Variants in TAFA3 observed in about 807,000 individuals in gnomAD.
The protein encoded by TAFA3 is TAFA chemokine like family member 3.
TAFA3 carries 17 observed loss-of-function variants against 20.7 expected under a neutral mutation model. The observed-to-expected ratio is 0.82, with a 90% CI of 0.56 to 1.23. The LOEUF (loss-of-function observed/expected upper bound fraction) is 1.23. Among genes scored for constraint, TAFA3 ranks in the 50% most tolerant of loss-of-function variants. The pLI, the probability that TAFA3 is intolerant of heterozygous loss-of-function variation, is 0.00. For synonymous variants in TAFA3, 74 were observed against 71.8 expected, an observed-to-expected ratio of 1.03 and a Z score of -0.16; for missense variants, 174 against 172.8, an observed-to-expected ratio of 1.01 and a Z score of -0.04.
chr1:112,724,231 G>A, intron 5 of TAFA3, 94 bp downstream of exon 5: 1 of 1,125,852 alleles, frequency 8.9e-7, no homozygotes, highest in Non-Finnish European at 1.2e-6. Context: ...TAGGATGTCA[G>A]TGTCCCAAGG....
chr1:112,723,533 A>G (rs1675384038), intron 4 of TAFA3, among the ~76,000 whole-genome samples: 2 of 151,608 alleles, frequency 1.3e-5, no homozygotes. Flanking sequence ...CTTCTCTCAC[A>G]CTTTCCTATG....
In TAFA3 at chr1:112,724,095, G is replaced by A. The variant is rs568584056; in HGVS notation, c.348G>A (p.Ser116=). The change falls in exon 5 of 6, where the codon TCG becomes TCA. Residue 116 remains serine (S), a synonymous_variant. Coordinates refer to ENST00000361886, the MANE Select transcript of TAFA3 (RefSeq NM_182759.3). ...GEECKVLPDL[S]GWSCSSGHKV... ...AGTGTAAGGTGCTCCCGGACCTGTC[G>A]GGATGGAGCTGCAGCAGTGGACACA... The A allele has an allele frequency of 1.8e-5, 29 of 1,613,000 alleles. No individual in the cohort carries two copies. The South Asian group carries it at 2.6e-4, about 15-fold the overall frequency.
At chr1:112,722,051 T>G (rs564239702) in intron 2 of TAFA3, among the ~76,000 whole-genome samples, 182 bp from the exon 3 acceptor site, 2 of 152,124 alleles carry the variant, frequency 1.3e-5, no homozygotes, top group Non-Finnish European at 2.9e-5. Flanking sequence ...AGGCTCTCCT[T>G]TTCTTCCTGC....
intron 4 of TAFA3, 154 bp from the exon 5 acceptor site, chr1:112,723,859 C>T (rs1675391750): frequency 6.6e-7 from 1 of 1,511,050 alleles, no homozygotes; most frequent in Non-Finnish European, 9.1e-7. Flanking sequence ...AGTACTGCCT[C>T]TCTGGGCAGC....
chr1:112,722,966 G>C, intron 3 of TAFA3, 50 bp from the exon 4 acceptor site: 2 of 1,558,190 alleles, frequency 1.3e-6, no homozygotes, highest in Non-Finnish European at 1.7e-6. Context: ...TGGGCGGGAG[G>C]GAGCGGGGTC....
intron 3 of TAFA3, 71 bp downstream of exon 3, chr1:112,722,419 C>G (rs1675352446): frequency 7.6e-7 from 1 of 1,316,652 alleles, no homozygotes; most frequent in African/African-American, 1.4e-5. Flanking sequence ...ACCACTCCAC[C>G]GTGTTCCATA....
chr1:112,726,108 G>A (rs143690864), intron 5 of TAFA3, among the ~76,000 whole-genome samples: 1 of 152,244 alleles, frequency 6.6e-6, no homozygotes, highest in African/African-American at 2.4e-5. Context: ...CTGCACTCCA[G>A]TCTGGGCGAC....
intron 3 of TAFA3, among the ~76,000 whole-genome samples, 155 bp downstream of exon 3, chr1:112,722,503 G>A (rs544442560): frequency 6.6e-6 from 1 of 152,210 alleles, no homozygotes; most frequent in East Asian, 1.9e-4. Context: ...TCTTTACCCA[G>A]GAATCTCTGC....
intron 1 of TAFA3, among the ~76,000 whole-genome samples, chr1:112,719,790 G>C (rs1458140978): frequency 6.6e-6 from 1 of 152,144 alleles, no homozygotes; most frequent in Admixed American, 6.5e-5. Flanking sequence ...TCAGGAAAGA[G>C]GCACATCTAG....
intron 5 of TAFA3, 62 bp from the exon 6 acceptor site, chr1:112,726,567 T>G: frequency 6.3e-7 from 1 of 1,576,206 alleles, no homozygotes; most frequent in Non-Finnish European, 8.7e-7. Context: ...GGGTAGTCTC[T>G]GGCATGCTGG....
At chr1:112,722,522 G>A (rs1675354516) in intron 3 of TAFA3, among the ~76,000 whole-genome samples, 174 bp downstream of exon 3, 2 of 152,112 alleles carry the variant, frequency 1.3e-5, no homozygotes, top group African/African-American at 4.8e-5. Context: ...GCCCACCCCA[G>A]CTGTCCCGCC....
intron 1 of TAFA3, chr1:112,720,356 C>T (rs1675299132): frequency 6.6e-6 from 1 of 152,398 alleles, no homozygotes; most frequent in South Asian, 2.1e-4. Flanking sequence ...TTCTCAGGCT[C>T]ACCACCCTGT....
chr1:112,724,361 T>C (rs1054795636), intron 5 of TAFA3, among the ~76,000 whole-genome samples: 16 of 151,938 alleles, frequency 1.1e-4, no homozygotes, highest in Non-Finnish European at 1.9e-4. Context: ...TTGATGTCCA[T>C]ATACGCTGGT....
chr1:112,722,769 C>G (rs1431049067), intron 3 of TAFA3, among the ~76,000 whole-genome samples: 6 of 152,218 alleles, frequency 3.9e-5, no homozygotes, highest in Non-Finnish European at 8.8e-5. Context: ...GTGCGGGACT[C>G]TGTCTTCTGC....
rs1189286581 is a variant in TAFA3, at chr1:112,726,747, T to A, written c.*107T>A. The A allele has an allele frequency of 4.5e-6, 7 of 1,550,602 alleles. No homozygotes were observed. The highest frequency in any genetic ancestry group is 6.2e-6 in the Non-Finnish European group (7 of 1,123,204). ...GATGGGGATTCACTTACATGCCTCATGTCAAATGCAGCATCAGTCTTTCCG... is the reference window on the plus strand; with the variant it reads ...GATGGGGATTCACTTACATGCCTCAAGTCAAATGCAGCATCAGTCTTTCCG... On this transcript the variant is annotated 3_prime_UTR_variant, in exon 6 of 6. Transcript: ENST00000361886.
At position 112,722,997 on chromosome 1, in the gene TAFA3, C is replaced by G. The variant is rs369203913; in HGVS notation, c.116-19C>G. 2.0e-4 allele frequency: 315 copies of G among 1,599,560 alleles called. No individual in the cohort carries two copies. The highest frequency in any genetic ancestry group is 2.5e-4 in the Non-Finnish European group (297 of 1,172,910). ...GGGTCGGGCGTGTTGGGCGTCTGAT[C>G]CTGGGCGGCTCCCCTCAGTGCTTGT... On this transcript the variant is annotated intron_variant, in intron 3 of 5. Transcript: ENST00000361886.
rs775226001 is a variant in TAFA3 at position 112,723,109 on chromosome 1, C to T, written c.209C>T (p.Ser70Phe). Reference protein sequence around the residue: ...IEERSQTVKCSCFSGQVAGTT... With the variant: ...IEERSQTVKCFCFSGQVAGTT... ...GAGCGCTCCCAGACGGTGAAATGCT[C>T]CTGTTTTTCTGGCCAGGTGGCCGGC... Residue 70 changes from serine (S) to phenylalanine (F), a missense_variant, in exon 4 of 6, where the codon TCC becomes TTC. Transcript: ENST00000361886. 1.5e-5 allele frequency: 25 copies of T among 1,613,286 alleles called. No homozygotes were observed. Among genetic ancestry groups the T allele is most frequent in the Admixed American group, 3.3e-5 (2 of 59,970 alleles).
At chr1:112,719,915 G>T (rs1675287907) in intron 1 of TAFA3, among the ~76,000 whole-genome samples, 1 of 152,286 alleles carries the variant, frequency 6.6e-6, no homozygotes, top group Middle Eastern at 3.4e-3. Context: ...GGACTCAGGG[G>T]TCTCTGTCCT....
intron 5 of TAFA3, 120 bp downstream of exon 5, chr1:112,724,257 T>C: frequency 1.1e-6 from 1 of 934,438 alleles, no homozygotes; most frequent in South Asian, 1.8e-5. Flanking sequence ...TCGTGAACCA[T>C]GAAATTCACA....
Sources: allele counts gnomAD v4.1 joint callset (sites outside exome capture counted in the v4.1 genomes callset), GRCh38; gene constraint gnomAD v4.1.1; transcripts MANE v1.5; gene names NCBI Gene and HGNC (gene_info 2026-07-23, HGNC 2026-07-21).